The following CNTN1 variants were observed in gnomAD, a reference collection of about 807,000 sequenced individuals.
The protein encoded by CNTN1 is contactin-1.
Under a neutral mutation model 126.4 loss-of-function variants are expected in CNTN1, and 38 were observed. That is an observed-to-expected ratio of 0.30 (90% CI 0.23 to 0.39). The LOEUF is 0.39. Ranked by LOEUF, CNTN1 falls within the 10% of genes least tolerant of loss-of-function variation. The pLI, the probability that CNTN1 is intolerant of heterozygous loss-of-function variation, is 1.00. For missense variants in CNTN1, 1,009 were observed against 1,248.4 expected (o/e 0.81, Z 2.89); for synonymous variants, 413 against 422.6 (o/e 0.98, Z 0.28).
intron 23 of CNTN1, among the ~76,000 whole-genome samples, chr12:41,048,022 A>G (rs186674320): frequency 4.7e-4 from 71 of 152,224 alleles, no homozygotes; most frequent in Admixed American, 3.3e-3. Flanking sequence ...CCACAGCCAT[A>G]TAATATAATT....
At chr12:41,044,449 AG>A (rs895836666) in intron 23 of CNTN1, among the ~76,000 whole-genome samples, 13 of 152,278 alleles carry the variant, frequency 8.5e-5, no homozygotes, top group African/African-American at 2.9e-4. Context: ...TAAGTAGTCA[AG>A]TAGAGAGGAA....
intron 1 of CNTN1, 111 bp from the exon 2 acceptor site, chr12:40,908,246 G>C: frequency 1.7e-6 from 1 of 575,456 alleles, no homozygotes. Flanking sequence ...CTCAAATGAT[G>C]AACATTTCCA....
At chr12:40,932,022 G>C (rs1385737203) in intron 7 of CNTN1, among the ~76,000 whole-genome samples, 1 of 151,798 alleles carries the variant, frequency 6.6e-6, no homozygotes, top group Non-Finnish European at 1.5e-5. Context: ...GGACCTCTGA[G>C]ACTGTCTTCT....
intron 1 of CNTN1, chr12:40,742,445 C>T (rs1937983167): frequency 6.6e-6 from 1 of 152,048 alleles, no homozygotes; most frequent in African/African-American, 2.4e-5. Flanking sequence ...TTAATTACTT[C>T]ATATTTTGGA....
intron 1 of CNTN1, among the ~76,000 whole-genome samples, chr12:40,746,784 G>A (rs1376433849): frequency 1.3e-5 from 2 of 152,008 alleles, no homozygotes; most frequent in Non-Finnish European, 2.9e-5. Context: ...CCCGCGGAAG[G>A]TCATATACCA....
Position 40,937,669 on chromosome 12 carries a change from G to C in CNTN1, c.1210G>C (p.Ala404Pro). The C allele has an allele frequency of 6.2e-7, 1 of 1,603,632 alleles. No homozygotes were observed. The highest frequency in any genetic ancestry group is 8.5e-7 in the Non-Finnish European group (1 of 1,170,672). The part of the protein sequence containing the change: ...ENTYGAIYAN[A>P]ELKILALAPT... ...CACATATGGAGCCATTTATGCAAAT[G>C]CTGAGTTGAAGATCTTGGGTCAGTA... Residue 404 changes from alanine to proline, a missense_variant, in exon 11 of 24, where the codon GCT becomes CCT. By Grantham distance (27) the Ala-to-Pro change is conservative. Coordinates refer to ENST00000551295, the MANE Select transcript of CNTN1 (RefSeq NM_001843.4).
intron 1 of CNTN1, among the ~76,000 whole-genome samples, chr12:40,890,599 A>C (rs1220373729): frequency 6.6e-6 from 1 of 152,124 alleles, no homozygotes; most frequent in African/African-American, 2.4e-5. Flanking sequence ...TTGAAATCAT[A>C]CAGTATATAG....
chr12:40,880,334 A>T (rs1169631715), intron 1 of CNTN1, among the ~76,000 whole-genome samples: 1 of 151,994 alleles, frequency 6.6e-6, no homozygotes, highest in African/African-American at 2.4e-5. Flanking sequence ...GTAAGTTTTT[A>T]TGTACGTTTG....
chr12:40,932,900 A>G (rs1945940734), intron 7 of CNTN1, among the ~76,000 whole-genome samples: 1 of 151,986 alleles, frequency 6.6e-6, no homozygotes, highest in South Asian at 2.1e-4. Flanking sequence ...AAGGATTAAT[A>G]CATCTTTCAG....
chr12:40,811,764 TTTTA>T (rs150124882), intron 1 of CNTN1, among the ~76,000 whole-genome samples: 3,377 of 151,900 alleles, frequency 0.022, 121 homozygotes, highest in African/African-American at 0.076. Context: ...TCATTTCTCA[TTTTA>T]TTTGAGTCTT....
chr12:40,903,620 C>A (rs766839723), intron 1 of CNTN1, among the ~76,000 whole-genome samples: 1 of 152,098 alleles, frequency 6.6e-6, no homozygotes, highest in African/African-American at 2.4e-5. Flanking sequence ...CACAATAGAA[C>A]AGATCACCAG....
intron 1 of CNTN1, among the ~76,000 whole-genome samples, chr12:40,755,403 G>GA (rs1938568427): frequency 7.5e-6 from 1 of 133,276 alleles, no homozygotes; most frequent in Non-Finnish European, 1.6e-5. Flanking sequence ...ATGGGTGTTG[G>GA]AAAACATTGA....
At chr12:41,015,296 G>A (rs545740437) in intron 18 of CNTN1, among the ~76,000 whole-genome samples, 66 of 152,086 alleles carry the variant, frequency 4.3e-4, no homozygotes, top group Admixed American at 8.5e-4. Context: ...AGAACATTTC[G>A]CTCTTTCTCT....
intron 1 of CNTN1, among the ~76,000 whole-genome samples, chr12:40,779,979 A>C (rs1928555): frequency 0.51 from 76,640 of 151,658 alleles, 20,509 homozygotes; most frequent in East Asian, 0.67. Context: ...GAGCAAATTG[A>C]AAGAGTTTGA....
intron 1 of CNTN1, among the ~76,000 whole-genome samples, chr12:40,704,050 A>T (rs180927159): frequency 6.6e-6 from 1 of 152,310 alleles, no homozygotes; most frequent in Admixed American, 6.5e-5. Context: ...AACAAAAAGA[A>T]ATAAAGAAAT....
chr12:40,849,542 T>A (rs1196713241), intron 1 of CNTN1, among the ~76,000 whole-genome samples: 1 of 152,012 alleles, frequency 6.6e-6, no homozygotes, highest in Non-Finnish European at 1.5e-5. Context: ...TGGAGCTTGG[T>A]TGTAATTGAT....
intron 1 of CNTN1, among the ~76,000 whole-genome samples, chr12:40,759,863 A>G (rs1938785187): frequency 6.7e-6 from 1 of 149,904 alleles, no homozygotes; most frequent in Non-Finnish European, 1.5e-5. Context: ...ACAGGAACTG[A>G]TTTGACTTTA....
intron 2 of CNTN1, among the ~76,000 whole-genome samples, chr12:40,909,265 A>T (rs904119898): frequency 6.6e-6 from 1 of 152,042 alleles, no homozygotes; most frequent in Non-Finnish European, 1.5e-5. Context: ...AAGCATTCAG[A>T]CCTATTTCCT....
At chr12:41,002,403 A>G (rs1191669418) in intron 17 of CNTN1, among the ~76,000 whole-genome samples, 3 of 152,176 alleles carry the variant, frequency 2.0e-5, no homozygotes, top group Admixed American at 2.0e-4. Flanking sequence ...TGGAAATTAT[A>G]AATTGGATTG....
Sources: gnomAD v4.1 joint callset for allele counts (sites outside exome capture counted in the v4.1 genomes callset) on GRCh38, gnomAD v4.1.1 for gene constraint, MANE v1.5 for transcripts, NCBI Gene and HGNC (gene_info 2026-07-23, HGNC 2026-07-21) for gene names.